The following MLLT3 variants were observed in gnomAD, a reference collection of about 807,000 sequenced individuals.
The protein encoded by MLLT3 is MLLT3 super elongation complex subunit.
A neutral mutation model predicts 53.2 loss-of-function variants in MLLT3; 4 were observed. That is an observed-to-expected ratio of 0.08 (90% CI 0.04 to 0.17). The LOEUF (loss-of-function observed/expected upper bound fraction) is 0.17. Ranked by LOEUF, MLLT3 falls within the 10% of genes least tolerant of loss-of-function variation. The pLI is 1.00. For synonymous variants in MLLT3, 283 were observed against 230.6 expected, an observed-to-expected ratio of 1.23 and a Z score of -2.06; for missense variants, 569 against 684.0, an observed-to-expected ratio of 0.83 and a Z score of 1.87.
At chr9:20,575,334 A>T (rs1439903403) in intron 2 of MLLT3, among the ~76,000 whole-genome samples, 1 of 152,194 alleles carries the variant, frequency 6.6e-6, no homozygotes, top group Non-Finnish European at 1.5e-5. Flanking sequence ...TGGCAGCTAT[A>T]GCCATAGATA....
At position 20,620,948 on chromosome 9, in the gene MLLT3, G is replaced by A. The variant is rs756559744; in HGVS notation, c.13-114C>T. ...TCTTGAAACGCACATAAAAGGAAAC[G>A]GCGGTGCCCTCTGCATCCACGTTTC... On this transcript the variant is annotated intron_variant, in intron 1 of 10. Transcript: ENST00000380338. This position sits in a 1 kb window ranked among gnomAD's most constrained non-coding sequence, Gnocchi z 6.1. The A allele has an allele frequency of 5.9e-6, 7 of 1,193,526 alleles. No individual in the cohort carries two copies. Among genetic ancestry groups the A allele is most frequent in the Non-Finnish European group, 8.5e-6 (7 of 824,878 alleles). 73.9% of individuals were successfully genotyped at this position (1,193,526 alleles called of 1,614,324 possible).
chr9:20,523,673 G>A (rs1420903882), intron 2 of MLLT3, among the ~76,000 whole-genome samples: 4 of 152,062 alleles, frequency 2.6e-5, no homozygotes, highest in East Asian at 1.9e-4. Flanking sequence ...TATAGAGACA[G>A]TAAAAAGATC....
intron 2 of MLLT3, among the ~76,000 whole-genome samples, chr9:20,527,772 G>C (rs1162155335): frequency 1.3e-5 from 2 of 152,140 alleles, no homozygotes; most frequent in African/African-American, 4.8e-5. Flanking sequence ...TGCTCAAATT[G>C]AATATCCAAG....
rs1823753535 is a variant in MLLT3, at chr9:20,448,246, G to C, written c.297C>G (p.Arg99=). Reference sequence around the variant, plus strand: ...GATGCAGGAATAAGTCATAATCAAAGCGGACTTTCCTAGGTTCTTCCTGGA... The same window carrying C: ...GATGCAGGAATAAGTCATAATCAAACCGGACTTTCCTAGGTTCTTCCTGGA... The part of the protein sequence containing the change: ...FKNKEEPRKV[R]FDYDLFLHLE... Residue 99 remains arginine (R), a synonymous_variant, in exon 4 of 11, where the codon CGC becomes CGG. Transcript: ENST00000380338. The surrounding 1 kb of genome is among the most constrained non-coding windows in gnomAD (Gnocchi z 4.0). 9 of 1,613,282 alleles carry C rather than the reference G, an allele frequency of 5.6e-6. No homozygotes were observed. Among genetic ancestry groups the C allele is most frequent in the Non-Finnish European group, 6.8e-6 (8 of 1,179,568 alleles).
At chr9:20,437,975 G>T (rs1823447170) in intron 4 of MLLT3, among the ~76,000 whole-genome samples, 1 of 152,098 alleles carries the variant, frequency 6.6e-6, no homozygotes, top group African/African-American at 2.4e-5. Context: ...GAAACCCCTG[G>T]TTTAGCAAAA....
At chr9:20,581,790 G>A (rs1438851675) in intron 2 of MLLT3, among the ~76,000 whole-genome samples, 3 of 152,116 alleles carry the variant, frequency 2.0e-5, no homozygotes, top group Non-Finnish European at 2.9e-5. Context: ...AATTTGGTAA[G>A]AGGAATACCA....
At position 20,520,413 on chromosome 9, in the gene MLLT3, A is replaced by C. The variant is rs571613977; in HGVS notation, c.194-63627T>G. Reference sequence around the variant, plus strand: ...TTGGAATAAATTGAGACAGTCACATAAACAGCTCACAAATCCTATCAATGA... The same window carrying C: ...TTGGAATAAATTGAGACAGTCACATCAACAGCTCACAAATCCTATCAATGA... On this transcript the variant is annotated intron_variant, in intron 2 of 10. Coordinates refer to ENST00000380338, the MANE Select transcript of MLLT3 (RefSeq NM_004529.4). 5.3e-5 allele frequency among the ~76,000 whole-genome samples: 8 copies of C among 152,336 alleles called. No homozygotes were observed. The South Asian group carries it at 1.7e-3, about 32-fold the overall frequency.
intron 2 of MLLT3, among the ~76,000 whole-genome samples, chr9:20,467,947 G>A (rs575241086): frequency 3.3e-4 from 50 of 152,256 alleles, no homozygotes; most frequent in Non-Finnish European, 5.9e-4. Flanking sequence ...AGCATTTTGC[G>A]GAAGAGGCAG....
chr9:20,556,977 T>C (rs979022388), intron 2 of MLLT3, among the ~76,000 whole-genome samples: 5 of 152,200 alleles, frequency 3.3e-5, no homozygotes, highest in African/African-American at 1.2e-4. Flanking sequence ...CATGGAGCTA[T>C]ACCAGTAGCA....
In MLLT3 at chr9:20,477,174, T is replaced by C. The variant is rs185080056; in HGVS notation, c.194-20388A>G. Among the ~76,000 whole-genome samples the C allele has an allele frequency of 5.7e-4, 87 of 152,218 alleles. 1 individual carries two copies. The East Asian group carries it at 0.015, about 26-fold the overall frequency. On this transcript the variant is annotated intron_variant, in intron 2 of 10. Coordinates refer to ENST00000380338, the MANE Select transcript of MLLT3 (RefSeq NM_004529.4). ...ACCCTATTTGTTTTGGAACCATGGGTTCCTTTCTTATTAAATTCTTCTATT... is the reference window on the plus strand; with the variant it reads ...ACCCTATTTGTTTTGGAACCATGGGCTCCTTTCTTATTAAATTCTTCTATT...
Position 20,613,297 on chromosome 9 carries a change from T to C in MLLT3, c.193+7357A>G, listed in dbSNP as rs187437934. 2.5e-3 allele frequency among the ~76,000 whole-genome samples: 388 copies of C among 152,288 alleles called. 2 individuals are homozygous for C. Among genetic ancestry groups the C allele is most frequent in the African/African-American group, 9.2e-3 (382 of 41,534 alleles). ...GGGTAAATTTTGCATGTGAATTATA[T>C]CTCAATTGTAAAAAAAAGATTCACT... On this transcript the variant is annotated intron_variant, in intron 2 of 10. Transcript: ENST00000380338.
chr9:20,495,667 C>G (rs886362896), intron 2 of MLLT3, among the ~76,000 whole-genome samples: 3 of 152,094 alleles, frequency 2.0e-5, no homozygotes, highest in Non-Finnish European at 2.9e-5. Context: ...TCACCATTCT[C>G]TATTAACAAA....
At chr9:20,348,099 T>C (rs1658495679) in intron 10 of MLLT3, among the ~76,000 whole-genome samples, 1 of 152,202 alleles carries the variant, frequency 6.6e-6, no homozygotes, top group Admixed American at 6.5e-5. Context: ...GAGCTGTTAT[T>C]GTCTTACCCA....
chr9:20,353,472 C>G (rs1170262231), intron 10 of MLLT3, 53 bp downstream of exon 10: 5 of 1,523,230 alleles, frequency 3.3e-6, no homozygotes, highest in Non-Finnish European at 4.6e-6. Context: ...TACTGCAGGA[C>G]AAACCAAGTC....
Position 20,620,932 on chromosome 9 carries a change from G to T in MLLT3, c.13-98C>A. ...ACATTTTTTTCCTCCTTCTTGAAAC[G>T]CACATAAAAGGAAACGGCGGTGCCC... On this transcript the variant is annotated intron_variant, in intron 1 of 10. Transcript: ENST00000380338. This position sits in a 1 kb window ranked among gnomAD's most constrained non-coding sequence, Gnocchi z 6.1. 7.4e-7 allele frequency: 1 copy of T among 1,352,898 alleles called. No homozygotes were observed. Among genetic ancestry groups the T allele is most frequent in the Non-Finnish European group, 1.0e-6 (1 of 960,814 alleles). The allele number at this position is 1,352,898 out of a possible 1,614,324, so 83.8% of individuals were successfully genotyped here. A position where few individuals can be genotyped will look rare whatever the true frequency, so the allele number is the denominator to read the frequency against.
intron 2 of MLLT3, among the ~76,000 whole-genome samples, chr9:20,532,061 T>C (rs947548710): frequency 1.3e-5 from 2 of 152,162 alleles, no homozygotes; most frequent in Non-Finnish European, 2.9e-5. Context: ...TGCAAGTTGT[T>C]TTCACAGCTA....
intron 4 of MLLT3, among the ~76,000 whole-genome samples, chr9:20,431,582 G>C (rs1279610559): frequency 1.3e-5 from 2 of 151,994 alleles, no homozygotes; most frequent in African/African-American, 4.8e-5. Context: ...TATGTATATG[G>C]GTACTTGATC....
At chr9:20,527,017 T>C (rs938694229) in intron 2 of MLLT3, among the ~76,000 whole-genome samples, 1 of 152,188 alleles carries the variant, frequency 6.6e-6, no homozygotes, top group African/African-American at 2.4e-5. Context: ...AAATCCTTTA[T>C]ATATTCTGGA....
intron 2 of MLLT3, among the ~76,000 whole-genome samples, chr9:20,485,247 C>G (rs1465590843): frequency 6.6e-6 from 1 of 152,162 alleles, no homozygotes; most frequent in African/African-American, 2.4e-5. Context: ...CCTTGGCCTC[C>G]CAAAGTACTG....
Sources: gnomAD v4.1 joint callset for allele counts (sites outside exome capture counted in the v4.1 genomes callset) on GRCh38, gnomAD v4.1.1 for gene constraint, Gnocchi (gnomAD v3.1) non-coding constraint, MANE v1.5 for transcripts, NCBI Gene and HGNC (gene_info 2026-07-23, HGNC 2026-07-21) for gene names.